ABLIM1: variants seen among roughly 807,000 people sequenced by gnomAD.
ABLIM1 encodes actin binding LIM protein 1, also known as actin-binding LIM protein 1.
ABLIM1 carries 40 observed loss-of-function variants against 107.0 expected under a neutral mutation model. The observed-to-expected ratio is 0.37, with a 90% CI of 0.29 to 0.49. The LOEUF (loss-of-function observed/expected upper bound fraction) is 0.49, where lower values mean the gene tolerates loss of function less well. ABLIM1 is among the 20% of genes least tolerant of loss of function. The pLI is 0.97. For synonymous variants in ABLIM1, 357 were observed against 357.3 expected (o/e 1.00, Z 0.01); for missense variants, 857 against 1,008.5 (o/e 0.85, Z 2.04).
At chr10:114,799,265 C>T in the ABLIM1 span, among the ~76,000 whole-genome samples, 4 of 152,344 alleles carry the variant, frequency 2.6e-5, no homozygotes, top group African/African-American at 9.6e-5. Flanking sequence ...TGAACCTCTT[C>T]TCTTCCTATG....
intron 4 of ABLIM1, among the ~76,000 whole-genome samples, chr10:114,569,130 A>C (rs1162650536): frequency 6.6e-6 from 1 of 152,110 alleles, no homozygotes; most frequent in African/African-American, 2.4e-5. Context: ...ATCTTATTAG[A>C]TAGCTTATGT....
At chr10:114,690,363 G>T in intron 1 of ABLIM1, 5 of 1,604,700 alleles carry the variant, frequency 3.1e-6, no homozygotes, top group Non-Finnish European at 4.3e-6. Context: ...GCCAGGACCT[G>T]TATGCTTTAG....
chr10:114,647,733 A>G (rs2079069551), intron 1 of ABLIM1, among the ~76,000 whole-genome samples: 1 of 152,192 alleles, frequency 6.6e-6, no homozygotes, highest in African/African-American at 2.4e-5. Flanking sequence ...TCTGTGAGTC[A>G]TAATGTCTCT....
intron 6 of ABLIM1, among the ~76,000 whole-genome samples, chr10:114,541,321 C>G (rs1480552248): frequency 6.6e-6 from 1 of 152,136 alleles, no homozygotes; most frequent in East Asian, 1.9e-4. Context: ...ACCACTGCTA[C>G]AGCTGACACA....
chr10:114,786,861 G>A, the ABLIM1 span, among the ~76,000 whole-genome samples: 6 of 152,304 alleles, frequency 3.9e-5, no homozygotes, highest in South Asian at 1.2e-3. Flanking sequence ...CCACCTCCCA[G>A]CAGCCTGCCT....
chr10:114,575,387 GTAGGCTTTGGAAAGA>G lies in ABLIM1; in HGVS notation c.563+14_563+28del. 6.2e-7 allele frequency: 1 copy of G among 1,607,764 alleles called. No individual in the cohort carries two copies. Among genetic ancestry groups the G allele is most frequent in the Non-Finnish European group, 8.5e-7 (1 of 1,176,482 alleles). On this transcript the variant is annotated intron_variant, in intron 3 of 22. Transcript: ENST00000533213. Reference sequence around the variant, plus strand: ...CAGCATTTCTCTGTTGGAGGAAGGTGTAGGCTTTGGAAAGATAGGCTCACTTACTTGCAGATAGTA... The same window carrying G: ...CAGCATTTCTCTGTTGGAGGAAGGTGTAGGCTCACTTACTTGCAGATAGTA...
intron 14 of ABLIM1, 120 bp downstream of exon 14, chr10:114,451,504 T>A: frequency 1.1e-6 from 1 of 910,246 alleles, no homozygotes; most frequent in South Asian, 1.3e-5. Flanking sequence ...AGGCATAATA[T>A]GCTGGATGCC....
intron 4 of ABLIM1, 54 bp downstream of exon 4, chr10:114,571,243 A>C: frequency 6.6e-7 from 1 of 1,505,918 alleles, no homozygotes; most frequent in South Asian, 1.1e-5. Context: ...CACCTGCCTG[A>C]GCTACCTCTG....
intron 2 of ABLIM1, among the ~76,000 whole-genome samples, chr10:114,580,583 A>G (rs2073247030): frequency 6.6e-6 from 1 of 152,156 alleles, no homozygotes; most frequent in Non-Finnish European, 1.5e-5. Context: ...AGTTGAATAA[A>G]TCTTTGATAC....
intron 12 of ABLIM1, among the ~76,000 whole-genome samples, chr10:114,462,319 C>G (rs936919942): frequency 6.6e-6 from 1 of 152,136 alleles, no homozygotes; most frequent in Non-Finnish European, 1.5e-5. Flanking sequence ...CTGGGAACTC[C>G]TACTTAATTT....
At chr10:114,785,323 A>G in the ABLIM1 span, among the ~76,000 whole-genome samples, 1 of 152,230 alleles carries the variant, frequency 6.6e-6, no homozygotes. Context: ...AGCTCAAAAG[A>G]CAATGAATAA....
chr10:114,540,249 C>T lies in ABLIM1; in HGVS notation c.894+4756G>A, dbSNP rs562297271. Among the ~76,000 whole-genome samples the T allele has an allele frequency of 1.6e-4, 24 of 152,286 alleles. No homozygotes were observed. The South Asian group carries it at 1.9e-3, about 12-fold the overall frequency. On this transcript the variant is annotated intron_variant, in intron 6 of 22. Coordinates refer to ENST00000533213, the MANE Select transcript of ABLIM1 (RefSeq NM_002313.7). Reference sequence around the variant, plus strand: ...CAGCCAAGACATGAGAATTCTAGAACTCAGATCCTTAGAGCCGAAGGGACT... The same window carrying T: ...CAGCCAAGACATGAGAATTCTAGAATTCAGATCCTTAGAGCCGAAGGGACT...
At chr10:114,554,419 C>T (rs1223354574) in intron 4 of ABLIM1, among the ~76,000 whole-genome samples, 1 of 152,304 alleles carries the variant, frequency 6.6e-6, no homozygotes, top group Middle Eastern at 3.4e-3. Context: ...TCAGACTGGG[C>T]ACAGTGGCTC....
chr10:114,487,727 A>G (rs1370507388), intron 8 of ABLIM1, among the ~76,000 whole-genome samples: 1 of 152,208 alleles, frequency 6.6e-6, no homozygotes, highest in African/African-American at 2.4e-5. Context: ...GAAGCTGACT[A>G]GTAAGGCCAA....
At chr10:114,468,122 A>AT (rs2065581878) in intron 11 of ABLIM1, 59 bp downstream of exon 11, 7 of 1,464,706 alleles carry the variant, frequency 4.8e-6, no homozygotes, top group Non-Finnish European at 6.7e-6. Context: ...CAGTCTAGGG[A>AT]AGGGCCAAGC....
At chr10:114,681,341 G>A (rs927842902) in intron 1 of ABLIM1, among the ~76,000 whole-genome samples, 4 of 152,200 alleles carry the variant, frequency 2.6e-5, no homozygotes, top group Non-Finnish European at 4.4e-5. Context: ...GATTACAGGC[G>A]TGTGTCACCA....
At chr10:114,608,672 AAAAT>A (rs969527704) in intron 1 of ABLIM1, among the ~76,000 whole-genome samples, 18 of 151,950 alleles carry the variant, frequency 1.2e-4, no homozygotes, top group African/African-American at 4.1e-4. Context: ...TCTGTCTCAA[AAAAT>A]AAATAAATAA....
intron 1 of ABLIM1, among the ~76,000 whole-genome samples, chr10:114,607,937 G>C (rs935963028): frequency 6.6e-6 from 1 of 152,152 alleles, no homozygotes; most frequent in Non-Finnish European, 1.5e-5. Context: ...GTGCCAATAC[G>C]GTCCAGTAAT....
rs2059142999 is a variant in ABLIM1 at position 114,434,224 on chromosome 10, C to G, written c.*2036G>C. 6.6e-6 allele frequency: 1 copy of G among 151,952 alleles called. No individual in the cohort carries two copies. The highest frequency in any genetic ancestry group is 6.6e-5 in the Admixed American group (1 of 15,218). The allele number at this position is 151,952 out of a possible 1,614,324, so 9.4% of individuals were successfully genotyped here. On this transcript the variant is annotated 3_prime_UTR_variant, in exon 23 of 23. Coordinates refer to ENST00000533213, the MANE Select transcript of ABLIM1 (RefSeq NM_002313.7). ...GGCTTCCAACCAAGCAAGAGCTGGT[C>G]TCATCTGCTCATGGCCACCCTGTCA...
Sources: gnomAD v4.1 joint callset for allele counts (sites outside exome capture counted in the v4.1 genomes callset) on GRCh38, gnomAD v4.1.1 for gene constraint, MANE v1.5 for transcripts, NCBI Gene and HGNC (gene_info 2026-07-23, HGNC 2026-07-21) for gene names.